The following TNPO1 variants were observed in gnomAD, a reference collection of about 807,000 sequenced individuals.
The protein encoded by TNPO1 is transportin 1.
In TNPO1, 8 loss-of-function variants were observed where a neutral mutation model predicts 119.5. That is an observed-to-expected ratio of 0.07 (90% CI 0.04 to 0.12). The LOEUF is 0.12. Among genes scored for constraint, TNPO1 ranks in the 10% least tolerant of loss-of-function variants. The pLI is 1.00. For synonymous variants in TNPO1, 362 were observed against 363.0 expected (o/e 1.00, Z 0.03); for missense variants, 576 against 1,089.8 (o/e 0.53, Z 6.64).
At chr5:72,890,899 G>A (rs1283206441) in intron 14 of TNPO1, among the ~76,000 whole-genome samples, 1 of 152,026 alleles carries the variant, frequency 6.6e-6, no homozygotes, top group Non-Finnish European at 1.5e-5. Flanking sequence ...TGTCACCTAG[G>A]CTAGAGTGCA....
chr5:72,897,925 C>T (rs1373977041), intron 20 of TNPO1, among the ~76,000 whole-genome samples: 1 of 152,004 alleles, frequency 6.6e-6, no homozygotes, highest in African/African-American at 2.4e-5. Flanking sequence ...AAGAAAGTTA[C>T]TTTTCAAAGG....
chr5:72,906,682 C>T (rs1268565949), intron 24 of TNPO1, among the ~76,000 whole-genome samples: 1 of 152,188 alleles, frequency 6.6e-6, no homozygotes, highest in Non-Finnish European at 1.5e-5. Context: ...TTGAGCTCTT[C>T]TGTACTTAAA....
intron 6 of TNPO1, among the ~76,000 whole-genome samples, chr5:72,871,002 C>T (rs1453412886): frequency 1.3e-5 from 2 of 152,098 alleles, no homozygotes; most frequent in Non-Finnish European, 2.9e-5. Flanking sequence ...CTGAGTCTCT[C>T]TCCATCGCCC....
intron 1 of TNPO1, among the ~76,000 whole-genome samples, chr5:72,825,198 AT>A (rs1474419658): frequency 1.3e-5 from 2 of 152,146 alleles, no homozygotes; most frequent in African/African-American, 4.8e-5. Context: ...CTTCTGCCCT[AT>A]CCCCTTCCAA....
At chr5:72,838,290 G>A (rs1407614919) in intron 1 of TNPO1, among the ~76,000 whole-genome samples, 4 of 152,084 alleles carry the variant, frequency 2.6e-5, no homozygotes, top group Admixed American at 6.6e-5. Flanking sequence ...TCTCACTTCA[G>A]AACTTCAGGA....
At chr5:72,884,238 T>G (rs1420773659) in intron 11 of TNPO1, among the ~76,000 whole-genome samples, 1 of 152,210 alleles carries the variant, frequency 6.6e-6, no homozygotes, top group African/African-American at 2.4e-5. Context: ...TTATTATCTC[T>G]TTATTATTAT....
rs941150140 is a variant in TNPO1, at chr5:72,850,721, C to A, written c.130-523C>A. Among the ~76,000 whole-genome samples the A allele has an allele frequency of 3.3e-5, 5 of 152,118 alleles. No individual in the cohort carries two copies. The South Asian group carries it at 1.0e-3, about 31-fold the overall frequency. The stretch of plus-strand genomic sequence containing the variant: ...TAGTGCAATAATCTCATAATGCTGA[C>A]TTTATAATAAGATATATAGCCTTGT... On this transcript the variant is annotated intron_variant, in intron 2 of 24. Coordinates refer to ENST00000337273, the MANE Select transcript of TNPO1 (RefSeq NM_002270.4).
chr5:72,892,225 G>A (rs1271662728), intron 15 of TNPO1, among the ~76,000 whole-genome samples: 1 of 151,904 alleles, frequency 6.6e-6, no homozygotes, highest in Non-Finnish European at 1.5e-5. Flanking sequence ...GGGATTTGGT[G>A]CCAGTAAGGA....
chr5:72,867,451 T>G (rs550767266), intron 6 of TNPO1, among the ~76,000 whole-genome samples: 1 of 152,332 alleles, frequency 6.6e-6, no homozygotes, highest in East Asian at 1.9e-4. Context: ...CTATATTGCC[T>G]AGTTCTATAG....
At chr5:72,881,320 G>A (rs371224094) in intron 9 of TNPO1, among the ~76,000 whole-genome samples, 4 of 151,934 alleles carry the variant, frequency 2.6e-5, no homozygotes, top group Admixed American at 2.6e-4. Context: ...TATGTTGGCC[G>A]GGCTGGTCTC....
At chr5:72,906,530 T>G (rs1750182201) in intron 24 of TNPO1, among the ~76,000 whole-genome samples, 1 of 152,102 alleles carries the variant, frequency 6.6e-6, no homozygotes, top group African/African-American at 2.4e-5. Flanking sequence ...GACCTTGTGA[T>G]GCACCCACCT....
intron 5 of TNPO1, among the ~76,000 whole-genome samples, chr5:72,863,026 G>GTGTGTGTGTGT (rs70973206): frequency 3.6e-5 from 5 of 139,578 alleles, no homozygotes; most frequent in Admixed American, 7.2e-5. Flanking sequence ...GTGTGTGTGT[G>GTGTGTGTGTGT]GTTTTTTTTG....
At chr5:72,875,884 A>C in intron 8 of TNPO1, 147 bp downstream of exon 8, 1 of 997,482 alleles carries the variant, frequency 1.0e-6, no homozygotes, top group Non-Finnish European at 1.4e-6. Flanking sequence ...GGAGTTTTGT[A>C]TTTCTGGGTA....
chr5:72,837,332 C>T (rs934639209), intron 1 of TNPO1, among the ~76,000 whole-genome samples: 1 of 152,184 alleles, frequency 6.6e-6, no homozygotes, highest in African/African-American at 2.4e-5. Flanking sequence ...ACAGCATCCT[C>T]ACATGGAGGA....
In TNPO1 at chr5:72,912,410, G is replaced by C. The variant is rs893094017; in HGVS notation, c.*3737G>C. ...TTTCAATGGATTTTCCTCTTGAAATGCTTTGTCTACTCAGTTATAAAATAT... is the reference window on the plus strand; with the variant it reads ...TTTCAATGGATTTTCCTCTTGAAATCCTTTGTCTACTCAGTTATAAAATAT... On this transcript the variant is annotated 3_prime_UTR_variant, in exon 25 of 25. Transcript: ENST00000337273. 4 of 152,422 alleles carry C rather than the reference G, an allele frequency of 2.6e-5. No individual in the cohort carries two copies. The highest frequency in any genetic ancestry group is 5.9e-5 in the Non-Finnish European group (4 of 67,904). The allele number at this position is 152,422 out of a possible 1,614,324, so 9.4% of individuals were successfully genotyped here.
chr5:72,861,231 G>GT (rs1746423413), intron 4 of TNPO1, among the ~76,000 whole-genome samples: 1 of 151,494 alleles, frequency 6.6e-6, no homozygotes, highest in African/African-American at 2.4e-5. Context: ...ATTTTAATTG[G>GT]TGGAGCTATT....
At chr5:72,845,524 G>T (rs1031555755) in intron 1 of TNPO1, among the ~76,000 whole-genome samples, 9 of 152,256 alleles carry the variant, frequency 5.9e-5, no homozygotes, top group African/African-American at 2.2e-4. Flanking sequence ...TAAATGTTAT[G>T]TATGTAGATT....
At chr5:72,823,392 C>T (rs1332130790) in intron 1 of TNPO1, among the ~76,000 whole-genome samples, 1 of 152,172 alleles carries the variant, frequency 6.6e-6, no homozygotes, top group Admixed American at 6.5e-5. Flanking sequence ...AGTGCTCTTC[C>T]CATCTATGCT....
chr5:72,872,343 A>C (rs1252307196), intron 6 of TNPO1, among the ~76,000 whole-genome samples: 1 of 151,994 alleles, frequency 6.6e-6, no homozygotes, highest in Non-Finnish European at 1.5e-5. Context: ...AAAAAAAAAA[A>C]TTTTGCCCCT....
Sources: gnomAD v4.1 joint callset for allele counts (sites outside exome capture counted in the v4.1 genomes callset) on GRCh38, gnomAD v4.1.1 for gene constraint, MANE v1.5 for transcripts, NCBI Gene and HGNC (gene_info 2026-07-23, HGNC 2026-07-21) for gene names.